Variants in NKAIN2 observed in about 807,000 individuals in gnomAD.
NKAIN2 encodes sodium/potassium-transporting ATPase subunit beta-1-interacting protein 2.
A neutral mutation model predicts 32.6 loss-of-function variants in NKAIN2; 14 were observed. The ratio of observed to expected loss-of-function variants is 0.43; its 90% CI spans 0.28 to 0.67. The LOEUF is 0.67. NKAIN2 is among the 30% of genes least tolerant of loss of function. NKAIN2 has a pLI of 0.17. For missense variants in NKAIN2, 198 were observed against 258.3 expected, an observed-to-expected ratio of 0.77 and a Z score of 1.60; for synonymous variants, 80 against 87.2, an observed-to-expected ratio of 0.92 and a Z score of 0.46.
rs752467528 is a variant in NKAIN2, at chr6:124,596,661, A to AGG, written c.274-61523_274-61522dup. ...CAGAGAAACAGAACAAATAAACCAT[A>AGG]GGGTGTGTGTGTGTGTGTGTGTGTG... is the stretch of plus-strand genomic sequence containing the variant. On this transcript the variant is annotated intron_variant, in intron 3 of 6. Transcript: ENST00000368417. 7.8e-3 allele frequency among the ~76,000 whole-genome samples: 646 copies of AGG among 82,946 alleles called. 1 individual carries two copies. Among genetic ancestry groups the AGG allele is most frequent in the South Asian group, 0.026 (46 of 1,756 alleles). The allele number at this position is 82,946 out of a possible 152,430, so 54.4% of individuals were successfully genotyped here.
intron 1 of NKAIN2, among the ~76,000 whole-genome samples, chr6:124,070,921 C>G (rs1274117130): frequency 6.6e-6 from 1 of 152,014 alleles, no homozygotes; most frequent in Non-Finnish European, 1.5e-5. Flanking sequence ...GGTACTGGCA[C>G]ATAAACAGGT....
intron 2 of NKAIN2, among the ~76,000 whole-genome samples, chr6:124,348,935 A>G (rs1195671774): frequency 6.6e-6 from 1 of 152,182 alleles, no homozygotes; most frequent in Non-Finnish European, 1.5e-5. Flanking sequence ...ACGGTGCACC[A>G]GGAGATTATA....
intron 1 of NKAIN2, among the ~76,000 whole-genome samples, chr6:124,260,197 A>G (rs758574098): frequency 1.3e-5 from 2 of 152,212 alleles, no homozygotes; most frequent in African/African-American, 2.4e-5. Flanking sequence ...GAACCATTCT[A>G]TGGACTAAGT....
intron 1 of NKAIN2, among the ~76,000 whole-genome samples, chr6:124,139,246 G>A (rs1175988226): frequency 2.9e-4 from 43 of 148,614 alleles, no homozygotes; most frequent in Admixed American, 2.8e-3. Context: ...CCGCCACCGC[G>A]CCCGGCTAAT....
At chr6:124,777,030 C>T (rs1779010452) in intron 4 of NKAIN2, among the ~76,000 whole-genome samples, 1 of 152,070 alleles carries the variant, frequency 6.6e-6, no homozygotes. Flanking sequence ...AAAATTTTTA[C>T]CTCTTCAAAA....
At chr6:123,956,176 AGAAGGAAAAAAG>A (rs1032739524) in intron 1 of NKAIN2, among the ~76,000 whole-genome samples, 3 of 152,178 alleles carry the variant, frequency 2.0e-5, no homozygotes, top group Admixed American at 6.5e-5. Flanking sequence ...TTGGGAGAAT[AGAAGGAAAAAAG>A]GAAGGAAAAA....
At chr6:124,102,105 G>A (rs942600507) in intron 1 of NKAIN2, among the ~76,000 whole-genome samples, 4 of 152,242 alleles carry the variant, frequency 2.6e-5, no homozygotes, top group Non-Finnish European at 4.4e-5. Context: ...AGTCACCTGA[G>A]AGGAGGGTAG....
chr6:124,446,926 G>A (rs1478995786), intron 3 of NKAIN2, among the ~76,000 whole-genome samples: 1 of 152,078 alleles, frequency 6.6e-6, no homozygotes, highest in Non-Finnish European at 1.5e-5. Context: ...TGTATCTAGT[G>A]GGTGAACAGC....
chr6:124,376,397 G>A (rs1799993307), intron 3 of NKAIN2, among the ~76,000 whole-genome samples: 1 of 152,026 alleles, frequency 6.6e-6, no homozygotes, highest in African/African-American at 2.4e-5. Flanking sequence ...AATGCAAGAT[G>A]TTTTTATAAA....
chr6:124,152,535 A>G (rs1370300459), intron 1 of NKAIN2, among the ~76,000 whole-genome samples: 1 of 151,994 alleles, frequency 6.6e-6, no homozygotes, highest in East Asian at 1.9e-4. Context: ...GATACAAAAT[A>G]AAGGGAAATA....
At chr6:124,309,298 T>C (rs1248388592) in intron 2 of NKAIN2, among the ~76,000 whole-genome samples, 1 of 152,110 alleles carries the variant, frequency 6.6e-6, no homozygotes, top group Non-Finnish European at 1.5e-5. Context: ...AATTATTTGA[T>C]GTTTTTTCAG....
chr6:124,057,468 A>G (rs929542881), intron 1 of NKAIN2, among the ~76,000 whole-genome samples: 3 of 151,986 alleles, frequency 2.0e-5, no homozygotes, highest in African/African-American at 7.2e-5. Flanking sequence ...CTCCTTCTCC[A>G]TTAAAAAGTA....
At chr6:123,828,894 G>C (rs777660541) in intron 1 of NKAIN2, 4 of 152,098 alleles carry the variant, frequency 2.6e-5, no homozygotes, top group Non-Finnish European at 5.9e-5. Context: ...GGCCAGATCA[G>C]GTTCCCTGTT....
chr6:124,285,447 T>C (rs972360224), intron 2 of NKAIN2, among the ~76,000 whole-genome samples: 1 of 152,104 alleles, frequency 6.6e-6, no homozygotes, highest in Non-Finnish European at 1.5e-5. Flanking sequence ...TTGAAGACAA[T>C]AGCTAAGATA....
intron 1 of NKAIN2, among the ~76,000 whole-genome samples, chr6:124,006,853 G>C (rs1780099158): frequency 1.3e-5 from 2 of 152,144 alleles, no homozygotes; most frequent in Admixed American, 1.3e-4. Flanking sequence ...GGTGTGGCCT[G>C]TTGAAGTAAA....
chr6:124,477,416 A>G (rs368859913), intron 3 of NKAIN2, among the ~76,000 whole-genome samples: 1 of 152,082 alleles, frequency 6.6e-6, no homozygotes, highest in East Asian at 1.9e-4. Context: ...TGAGATGACT[A>G]GTTCTGAATG....
At chr6:124,342,170 G>A (rs1000169990) in intron 2 of NKAIN2, among the ~76,000 whole-genome samples, 2 of 152,058 alleles carry the variant, frequency 1.3e-5, no homozygotes, top group Non-Finnish European at 2.9e-5. Flanking sequence ...GGGAGGCCAA[G>A]GCAGGCGGAT....
intron 1 of NKAIN2, among the ~76,000 whole-genome samples, chr6:123,914,974 T>G (rs1264436191): frequency 2.0e-5 from 3 of 152,148 alleles, no homozygotes; most frequent in African/African-American, 7.2e-5. Flanking sequence ...ACCTCACATT[T>G]ACTGAATCAA....
chr6:124,688,090 A>T (rs1194358548), intron 4 of NKAIN2, among the ~76,000 whole-genome samples: 1 of 151,958 alleles, frequency 6.6e-6, no homozygotes, highest in African/African-American at 2.4e-5. Flanking sequence ...AAACATTTCT[A>T]ATCTCCCAAA....
Sources: allele counts gnomAD v4.1 joint callset (sites outside exome capture counted in the v4.1 genomes callset), GRCh38; gene constraint gnomAD v4.1.1; transcripts MANE v1.5; gene names NCBI Gene and HGNC (gene_info 2026-07-23, HGNC 2026-07-21).